ZNF254: variants seen among roughly 807,000 people sequenced by gnomAD.
ZNF254 encodes the protein zinc finger protein 254.
A neutral mutation model predicts 12.4 loss-of-function variants in ZNF254; 10 were observed. That is an observed-to-expected ratio of 0.80 (90% CI 0.50 to 1.36). The LOEUF is 1.36. Ranked by LOEUF, ZNF254 falls within the 40% of genes most tolerant of loss-of-function variation. The probability of loss-of-function intolerance (pLI) is 0.00; values close to 1 mark genes in which losing one functional copy is unlikely to be tolerated. For synonymous variants in ZNF254, 305 were observed against 253.4 expected (o/e 1.20, Z -1.93); for missense variants, 996 against 763.9 (o/e 1.30, Z -3.58).
rs376521706 is a variant in ZNF254 at position 24,126,476 on chromosome 19, A to G, written c.476A>G (p.Tyr159Cys). The G allele has an allele frequency of 4.2e-5, 67 of 1,588,620 alleles. No homozygotes were observed. The highest frequency in any genetic ancestry group is 5.5e-5 in the Non-Finnish European group (64 of 1,172,116). The change falls in exon 4 of 4, where the codon TAT becomes TGT. Residue 159 changes from tyrosine to cysteine, a missense_variant. Physicochemically the swap from Tyr to Cys is radical, Grantham distance 194 (BLOSUM62 -2). Transcript: ENST00000357002. ...AQSKVFQCDK[Y>C]LKVFYKFLNS... ...AGCAAAGTATTTCAATGTGATAAATATTTGAAAGTCTTCTATAAATTTTTA... is the reference window on the plus strand; with the variant it reads ...AGCAAAGTATTTCAATGTGATAAATGTTTGAAAGTCTTCTATAAATTTTTA...
chr19:24,115,512 T>G, intron 3 of ZNF254, among the ~76,000 whole-genome samples: 1 of 135,800 alleles, frequency 7.4e-6, no homozygotes. Flanking sequence ...AATCACACTC[T>G]GGGGATTGAT....
intron 3 of ZNF254, among the ~76,000 whole-genome samples, chr19:24,109,085 G>A (rs1052257310): frequency 1.1e-4 from 16 of 152,224 alleles, no homozygotes; most frequent in Admixed American, 1.0e-3. Context: ...AACCTGGGAG[G>A]TGGGGGTTGC....
intron 1 of ZNF254, among the ~76,000 whole-genome samples, chr19:24,037,941 T>A (rs1970027563): frequency 6.6e-6 from 1 of 152,136 alleles, no homozygotes; most frequent in Non-Finnish European, 1.5e-5. Flanking sequence ...GAGATGGAAT[T>A]TCACCATGTT....
At chr19:24,107,141 T>C in intron 3 of ZNF254, 1 of 557,598 alleles carries the variant, frequency 1.8e-6, no homozygotes. Context: ...AAGTAGGATG[T>C]CCTTCTGCTT....
intron 3 of ZNF254, among the ~76,000 whole-genome samples, chr19:24,110,599 A>C (rs1307075744): frequency 2.0e-5 from 3 of 152,144 alleles, no homozygotes; most frequent in Admixed American, 6.6e-5. Context: ...AGGCATGTTA[A>C]CTATATTCAC....
intron 1 of ZNF254, among the ~76,000 whole-genome samples, chr19:24,097,812 T>TAAAATAAAATAAAATA (rs1555763872): frequency 8.0e-5 from 12 of 150,624 alleles, no homozygotes; most frequent in Non-Finnish European, 1.8e-4. Context: ...TAAAATAAAA[T>TAAAATAAAATAAAATA]AAAATAAAAT....
chr19:24,106,834 C>A, intron 3 of ZNF254, 191 bp downstream of exon 3: 1 of 441,090 alleles, frequency 2.3e-6, no homozygotes, highest in Non-Finnish European at 4.0e-6. Flanking sequence ...AAGAATTCTA[C>A]TTTCCCTTCA....
Position 24,126,938 on chromosome 19 carries a change from A to G in ZNF254, c.938A>G (p.Lys313Arg), listed in dbSNP as rs760652801. ...TGGTCCTCAACCCTTACTGAGCATAAGAAAATTCATACTAGAAAGAAACCC... is the reference window on the plus strand; with the variant it reads ...TGGTCCTCAACCCTTACTGAGCATAGGAAAATTCATACTAGAAAGAAACCC... Reference protein sequence around the residue: ...FIWSSTLTEHKKIHTRKKPYK... With the variant: ...FIWSSTLTEHRKIHTRKKPYK... The change falls in exon 4 of 4, where the codon AAG becomes AGG. Residue 313 changes from lysine to arginine, a missense_variant. Lys to Arg is a conservative substitution (Grantham distance 26, BLOSUM62 2). Coordinates refer to ENST00000357002, the MANE Select transcript of ZNF254 (RefSeq NM_203282.4). The G allele has an allele frequency of 1.5e-5, 25 of 1,613,488 alleles. No homozygotes were observed. The highest frequency in any genetic ancestry group is 8.5e-7 in the Non-Finnish European group (1 of 1,179,808).
rs1972077661 is a variant in ZNF254, at chr19:24,087,242, C to G, written c.-66C>G. 1 of 1,607,462 alleles carries G rather than the reference C, an allele frequency of 6.2e-7. No homozygotes were observed. The highest frequency in any genetic ancestry group is 8.5e-7 in the Non-Finnish European group (1 of 1,175,122). On this transcript the variant is annotated 5_prime_UTR_variant, in exon 1 of 4. Coordinates refer to ENST00000357002, the MANE Select transcript of ZNF254 (RefSeq NM_203282.4). ...AGGTCTGTCTTCACTGCTCTGTGTC[C>G]TCTGCTCCTAGAGGCCCAGCCTCTG...
At chr19:24,118,320 G>A (rs1974248903) in intron 3 of ZNF254, among the ~76,000 whole-genome samples, 3 of 152,046 alleles carry the variant, frequency 2.0e-5, no homozygotes, top group African/African-American at 7.2e-5. Flanking sequence ...CCAAAGTGCT[G>A]GGATTACAGG....
intron 3 of ZNF254, among the ~76,000 whole-genome samples, chr19:24,121,071 G>C (rs888879834): frequency 6.6e-6 from 1 of 151,112 alleles, no homozygotes; most frequent in Non-Finnish European, 1.5e-5. Flanking sequence ...AACTGTGCTA[G>C]TGGTGATGAA....
chr19:24,088,099 G>T (rs1972142570), intron 1 of ZNF254, among the ~76,000 whole-genome samples: 1 of 151,720 alleles, frequency 6.6e-6, no homozygotes, highest in Non-Finnish European at 1.5e-5. Flanking sequence ...GTAGAGACGG[G>T]GTTTTACCAT....
intron 3 of ZNF254, among the ~76,000 whole-genome samples, chr19:24,119,840 G>A (rs1974358354): frequency 6.6e-6 from 1 of 151,744 alleles, no homozygotes; most frequent in Non-Finnish European, 1.5e-5. Flanking sequence ...TAGTTTTATT[G>A]CTATTGTTTT....
chr19:24,056,357 T>G (rs1970854540), intron 2 of ZNF254, among the ~76,000 whole-genome samples: 1 of 152,200 alleles, frequency 6.6e-6, no homozygotes, highest in African/African-American at 2.4e-5. Context: ...TATGACTCTC[T>G]TCTCCTGCCT....
intron 1 of ZNF254, among the ~76,000 whole-genome samples, chr19:24,044,029 A>G (rs1970278154): frequency 1.3e-5 from 2 of 151,814 alleles, no homozygotes; most frequent in South Asian, 4.2e-4. Flanking sequence ...TCATGAGGTC[A>G]GGATTCCGAG....
At chr19:24,069,874 C>G (rs1385498971) in intron 2 of ZNF254, among the ~76,000 whole-genome samples, 1 of 152,168 alleles carries the variant, frequency 6.6e-6, no homozygotes, top group East Asian at 1.9e-4. Context: ...ATCACTTGAA[C>G]CCAGGAGGCC....
intron 1 of ZNF254, among the ~76,000 whole-genome samples, chr19:24,038,845 AT>A (rs1970057445): frequency 6.6e-6 from 1 of 152,216 alleles, no homozygotes; most frequent in Admixed American, 6.5e-5. Flanking sequence ...CTGTCTTTCT[AT>A]CCCCCTGGCA....
At chr19:24,106,272 A>C in intron 2 of ZNF254, 4 of 672,166 alleles carry the variant, frequency 6.0e-6, no homozygotes, top group Non-Finnish European at 8.7e-6. Context: ...TGCACTTTAG[A>C]TTAAGGCTAA....
intron 3 of ZNF254, among the ~76,000 whole-genome samples, chr19:24,111,207 G>GT (rs1392010046): frequency 6.7e-6 from 1 of 148,570 alleles, no homozygotes; most frequent in Non-Finnish European, 1.5e-5. Flanking sequence ...GCAGTGTTTG[G>GT]TTTTTTGTTC....
Sources: allele counts gnomAD v4.1 joint callset (sites outside exome capture counted in the v4.1 genomes callset), GRCh38; gene constraint gnomAD v4.1.1; transcripts MANE v1.5; gene names NCBI Gene and HGNC (gene_info 2026-07-23, HGNC 2026-07-21).